Variants in ITGA2 observed in about 807,000 individuals in gnomAD.
ITGA2 encodes integrin alpha-2.
Under a neutral mutation model 146.3 loss-of-function variants are expected in ITGA2, and 101 were observed. The ratio of observed to expected loss-of-function variants is 0.69; its 90% CI spans 0.59 to 0.81. ITGA2 has a LOEUF of 0.81. Ranked by LOEUF, ITGA2 falls within the 40% of genes least tolerant of loss-of-function variation. ITGA2 has a pLI of 0.00. For synonymous variants in ITGA2, 477 were observed against 487.1 expected, an observed-to-expected ratio of 0.98 and a Z score of 0.27; for missense variants, 1,281 against 1,402.7, an observed-to-expected ratio of 0.91 and a Z score of 1.39.
intron 3 of ITGA2, among the ~76,000 whole-genome samples, chr5:53,042,661 A>G (rs997768876): frequency 1.3e-5 from 2 of 152,262 alleles, no homozygotes; most frequent in Non-Finnish European, 2.9e-5. Context: ...ATTCTAATAA[A>G]ACAAATCCAC....
intron 21 of ITGA2, 51 bp from the exon 22 acceptor site, chr5:53,075,008 TGG>T: frequency 3.4e-6 from 4 of 1,171,034 alleles, no homozygotes; most frequent in Admixed American, 3.5e-5. Context: ...TTTTTCACGT[TGG>T]CCTCTGAGTA....
At chr5:53,057,563 A>G (rs894393877) in intron 9 of ITGA2, among the ~76,000 whole-genome samples, 1 of 151,992 alleles carries the variant, frequency 6.6e-6, no homozygotes, top group African/African-American at 2.4e-5. Context: ...TCTTCACTAC[A>G]GATCAATTGC....
At chr5:52,994,525 A>G (rs567093367) in intron 1 of ITGA2, among the ~76,000 whole-genome samples, 1 of 152,192 alleles carries the variant, frequency 6.6e-6, no homozygotes, top group Non-Finnish European at 1.5e-5. Flanking sequence ...CCTAAGAGAG[A>G]TATTTGTTAA....
At chr5:53,046,987 G>A (rs1018772145) in intron 4 of ITGA2, among the ~76,000 whole-genome samples, 2 of 152,120 alleles carry the variant, frequency 1.3e-5, no homozygotes, top group East Asian at 1.9e-4. Flanking sequence ...CTTAGGAATG[G>A]GGATATAGAA....
At chr5:52,993,363 G>C (rs1274437529) in intron 1 of ITGA2, among the ~76,000 whole-genome samples, 1 of 152,136 alleles carries the variant, frequency 6.6e-6, no homozygotes, top group Non-Finnish European at 1.5e-5. Context: ...TTATGGACTG[G>C]GGTTTAGGAT....
intron 1 of ITGA2, among the ~76,000 whole-genome samples, chr5:53,024,867 G>A (rs564030186): frequency 1.2e-4 from 18 of 152,216 alleles, no homozygotes; most frequent in South Asian, 1.0e-3. Context: ...TTTACAGTGA[G>A]GACATTGGAT....
intron 1 of ITGA2, among the ~76,000 whole-genome samples, chr5:53,026,364 T>C (rs1232443330): frequency 1.3e-5 from 2 of 152,182 alleles, no homozygotes; most frequent in East Asian, 3.8e-4. Flanking sequence ...TAACTCAAAT[T>C]ACTTAAGAAT....
chr5:53,013,681 T>C (rs1384859318), intron 1 of ITGA2, among the ~76,000 whole-genome samples: 1 of 152,214 alleles, frequency 6.6e-6, no homozygotes, highest in Non-Finnish European at 1.5e-5. Flanking sequence ...ATTGAATCTA[T>C]AAATTGGATT....
intron 26 of ITGA2, among the ~76,000 whole-genome samples, chr5:53,082,831 A>T (rs1745989172): frequency 6.6e-6 from 1 of 152,156 alleles, no homozygotes; most frequent in Admixed American, 6.5e-5. Context: ...TGCTCTGCTT[A>T]TTCATCCTGC....
At chr5:53,044,033 G>A (rs1743938485) in intron 3 of ITGA2, among the ~76,000 whole-genome samples, 2 of 151,906 alleles carry the variant, frequency 1.3e-5, no homozygotes, top group South Asian at 4.2e-4. Flanking sequence ...CTAGCACTTT[G>A]GGAGGCCGAG....
Position 53,090,830 on chromosome 5 carries a change from T to G in ITGA2, c.*231T>G. The G allele has an allele frequency of 5.0e-6, 3 of 597,942 alleles. No homozygotes were observed. The highest frequency in any genetic ancestry group is 8.9e-6 in the Non-Finnish European group (3 of 336,122). 37.0% of individuals were successfully genotyped at this position (597,942 alleles called of 1,614,324 possible). ...TAGGGAAAATACCTATTTTATATGATGGGGGAAAAAAAGTAATCTTTAAAC... is the reference window on the plus strand; with the variant it reads ...TAGGGAAAATACCTATTTTATATGAGGGGGGAAAAAAAGTAATCTTTAAAC... On this transcript the variant is annotated 3_prime_UTR_variant, in exon 30 of 30. Transcript: ENST00000296585.
chr5:53,051,668 C>T, intron 7 of ITGA2, 109 bp downstream of exon 7: 1 of 1,123,762 alleles, frequency 8.9e-7, no homozygotes, highest in East Asian at 2.6e-5. Flanking sequence ...ATACCTGGTA[C>T]CTAATTTAAA....
At chr5:53,079,645 T>TA (rs201291690) in intron 24 of ITGA2, among the ~76,000 whole-genome samples, 5 of 152,168 alleles carry the variant, frequency 3.3e-5, no homozygotes, top group Middle Eastern at 3.4e-3. Flanking sequence ...AATTTTGTGA[T>TA]AAAAAAAATC....
intron 1 of ITGA2, among the ~76,000 whole-genome samples, chr5:53,016,268 G>C (rs930997602): frequency 2.6e-5 from 4 of 152,286 alleles, no homozygotes; most frequent in African/African-American, 7.2e-5. Flanking sequence ...CCTCCTGTAA[G>C]GGAGAGGTCT....
chr5:53,035,176 C>A (rs1262516075), intron 2 of ITGA2, among the ~76,000 whole-genome samples: 1 of 152,132 alleles, frequency 6.6e-6, no homozygotes, highest in Non-Finnish European at 1.5e-5. Flanking sequence ...CTTTGATTTG[C>A]AAAATGTGAT....
rs559595772 is a variant in ITGA2, at chr5:53,029,017, A to G, written c.185+2149A>G. 7.9e-5 allele frequency among the ~76,000 whole-genome samples: 12 copies of G among 152,306 alleles called. No individual in the cohort carries two copies. In the South Asian group the frequency reaches 2.5e-3, roughly 32 times the overall value. The stretch of plus-strand genomic sequence containing the variant: ...CCAGGAACGGTGGCTCATACCTGTA[A>G]TTCCAGCACTTTGGGAGGCCAAGGC... On this transcript the variant is annotated intron_variant, in intron 2 of 29. Transcript: ENST00000296585.
intron 7 of ITGA2, among the ~76,000 whole-genome samples, chr5:53,053,836 G>A (rs3212513): frequency 6.7e-4 from 102 of 152,136 alleles, no homozygotes; most frequent in Middle Eastern, 3.4e-3. Context: ...AGTAATTGTT[G>A]CCATGTTTTC....
intron 3 of ITGA2, among the ~76,000 whole-genome samples, chr5:53,043,646 C>A (rs534773083): frequency 6.6e-6 from 1 of 152,218 alleles, no homozygotes; most frequent in South Asian, 2.1e-4. Flanking sequence ...AAAAACAATT[C>A]TATGGGATAG....
At chr5:53,069,054 T>C (rs1423673795) in intron 16 of ITGA2, among the ~76,000 whole-genome samples, 1 of 151,902 alleles carries the variant, frequency 6.6e-6, no homozygotes, top group Non-Finnish European at 1.5e-5. Flanking sequence ...GTACAACATA[T>C]ATGATAGATT....
Sources: gnomAD v4.1 joint callset for allele counts (sites outside exome capture counted in the v4.1 genomes callset) on GRCh38, gnomAD v4.1.1 for gene constraint, MANE v1.5 for transcripts, NCBI Gene and HGNC (gene_info 2026-07-23, HGNC 2026-07-21) for gene names.